The following PRIM2 variants were observed in gnomAD, a reference collection of about 807,000 sequenced individuals.
PRIM2 encodes the protein DNA primase large subunit.
Under a neutral mutation model 67.3 loss-of-function variants are expected in PRIM2, and 39 were observed. The ratio of observed to expected loss-of-function variants is 0.58; its 90% CI spans 0.45 to 0.76. The LOEUF (loss-of-function observed/expected upper bound fraction) is 0.76, where lower values mean the gene tolerates loss of function less well. Among genes scored for constraint, PRIM2 ranks in the 30% least tolerant of loss-of-function variants. The pLI, the probability that PRIM2 is intolerant of heterozygous loss-of-function variation, is 0.00. For missense variants in PRIM2, 398 were observed against 598.7 expected (o/e 0.66, Z 3.50); for synonymous variants, 143 against 198.7 (o/e 0.72, Z 2.36).
the PRIM2 span, among the ~76,000 whole-genome samples, chr6:57,283,794 G>A: frequency 6.6e-6 from 1 of 152,004 alleles, no homozygotes. Context: ...GTCTTCCCAA[G>A]TGCCTGACAA....
chr6:57,387,512 G>A (rs1214965783), intron 7 of PRIM2, among the ~76,000 whole-genome samples: 1 of 151,988 alleles, frequency 6.6e-6, no homozygotes, highest in Non-Finnish European at 1.5e-5. Flanking sequence ...TTTTCTGATT[G>A]TAATTCTTAG....
chr6:57,406,622 C>G (rs1770901133), intron 7 of PRIM2, among the ~76,000 whole-genome samples: 1 of 151,924 alleles, frequency 6.6e-6, no homozygotes. Context: ...TGAAAATCGT[C>G]TGAGACTAGT....
At chr6:57,277,685 G>A in the PRIM2 span, among the ~76,000 whole-genome samples, 5 of 151,972 alleles carry the variant, frequency 3.3e-5, no homozygotes, top group Non-Finnish European at 5.9e-5. Flanking sequence ...CATTAGCATA[G>A]ATTAAAGATT....
chr6:57,610,417 TCA>T (rs1776646828), intron 12 of PRIM2, among the ~76,000 whole-genome samples: 1 of 152,138 alleles, frequency 6.6e-6, no homozygotes, highest in African/African-American at 2.4e-5. Flanking sequence ...AGAAAAGAGA[TCA>T]TTGTGACTCA....
chr6:57,430,230 T>C (rs1259760169), intron 7 of PRIM2, among the ~76,000 whole-genome samples: 4 of 152,118 alleles, frequency 2.6e-5, no homozygotes, highest in Admixed American at 2.6e-4. Context: ...GAGTGAGATA[T>C]GTATTTTGCT....
Position 57,396,036 on chromosome 6 carries a change from A to G in PRIM2, c.693+13868A>G, listed in dbSNP as rs555384807. Among the ~76,000 whole-genome samples, 193 of 152,148 alleles carry G rather than the reference A, an allele frequency of 1.3e-3. 4 individuals carry two copies. In the East Asian group the frequency reaches 0.016, roughly 13 times the overall value. On this transcript the variant is annotated intron_variant, in intron 7 of 13. Transcript: ENST00000615550. ...TGAGAAAGTGCTTGATATGATTTCA[A>G]TTTTCTTAAATTTATTGAGGCTCGT...
At position 57,642,435 on chromosome 6, in the gene PRIM2, C is replaced by CTTTTTTTTTTTTTTTTT. The variant is rs1156576933; in HGVS notation, c.1300-3484_1300-3468dup. ...TATGCACATACCTTAAATATTATAT[C>CTTTTTTTTTTTTTTTTT]TTTTTTTTTTTTTTTTTTTTTTTTT... is the stretch of plus-strand genomic sequence containing the variant. On this transcript the variant is annotated intron_variant, in intron 13 of 13. Coordinates refer to ENST00000615550, the MANE Select transcript of PRIM2 (RefSeq NM_000947.5). Among the ~76,000 whole-genome samples the CTTTTTTTTTTTTTTTTT allele has an allele frequency of 3.1e-4, 26 of 83,180 alleles. 2 individuals are homozygous for CTTTTTTTTTTTTTTTTT. Among genetic ancestry groups the CTTTTTTTTTTTTTTTTT allele is most frequent in the Non-Finnish European group, 3.4e-4 (16 of 47,410 alleles). The allele number at this position is 83,180 out of a possible 152,430, so 54.6% of individuals were successfully genotyped here. A position where few individuals can be genotyped will look rare whatever the true frequency, so the allele number is the denominator to read the frequency against.
intron 8 of PRIM2, among the ~76,000 whole-genome samples, chr6:57,519,040 G>A (rs1260428620): frequency 2.0e-5 from 3 of 152,102 alleles, no homozygotes; most frequent in Admixed American, 6.5e-5. Context: ...GTTCCGTGAT[G>A]CCCCACAAGC....
rs1435346367 is a variant in PRIM2, at chr6:57,444,945, ATGT to A, written c.694-62438_694-62436del. Among the ~76,000 whole-genome samples, 7 of 151,176 alleles carry A rather than the reference ATGT, an allele frequency of 4.6e-5. No homozygotes were observed. The South Asian group carries it at 8.3e-4, about 18-fold the overall frequency. ...CCTTTTTTAAAGCAGAGTAATGCTC[ATGT>A]TGTATCTTTCTAGCATTAAGAAAAA... On this transcript the variant is annotated intron_variant, in intron 7 of 13. Coordinates refer to ENST00000615550, the MANE Select transcript of PRIM2 (RefSeq NM_000947.5).
chr6:57,450,739 T>C (rs1310903198), intron 7 of PRIM2, among the ~76,000 whole-genome samples: 2 of 152,240 alleles, frequency 1.3e-5, no homozygotes, highest in Non-Finnish European at 2.9e-5. Flanking sequence ...CTTTCCCTAA[T>C]GATTTATATG....
intron 7 of PRIM2, among the ~76,000 whole-genome samples, chr6:57,428,852 A>G (rs1424710791): frequency 1.5e-4 from 23 of 152,210 alleles, no homozygotes; most frequent in African/African-American, 5.3e-4. Context: ...AGTGTTAACT[A>G]AACTACAGAC....
chr6:57,565,908 C>T (rs1775728972), intron 10 of PRIM2, among the ~76,000 whole-genome samples: 2 of 152,200 alleles, frequency 1.3e-5, no homozygotes, highest in Non-Finnish European at 2.9e-5. Flanking sequence ...GTTCCGATTT[C>T]TCCAATTGCT....
At chr6:57,310,632 G>A (rs59431929), upstream of PRIM2, among the ~76,000 whole-genome samples, 16,355 of 151,114 alleles carry the variant, frequency 0.11, 943 homozygotes, top group South Asian at 0.13. Flanking sequence ...CATCCCAGAC[G>A]GGGTGGCGGC....
At chr6:57,441,222 C>G (rs1458458083) in intron 7 of PRIM2, among the ~76,000 whole-genome samples, 1 of 152,130 alleles carries the variant, frequency 6.6e-6, no homozygotes. Flanking sequence ...GAAGATAACC[C>G]CCTTGCTAGC....
At chr6:57,457,843 T>C (rs1451102720) in intron 7 of PRIM2, among the ~76,000 whole-genome samples, 1 of 152,138 alleles carries the variant, frequency 6.6e-6, no homozygotes, top group Non-Finnish European at 1.5e-5. Flanking sequence ...GGTACCTCGG[T>C]TGGAAACGCA....
At chr6:57,222,914 T>TA in the PRIM2 span, among the ~76,000 whole-genome samples, 1 of 152,186 alleles carries the variant, frequency 6.6e-6, no homozygotes, top group Non-Finnish European at 1.5e-5. Flanking sequence ...AAAAGGTGCA[T>TA]ACCCTATGGC....
chr6:57,260,491 A>G, the PRIM2 span, among the ~76,000 whole-genome samples: 1 of 152,240 alleles, frequency 6.6e-6, no homozygotes, highest in Non-Finnish European at 1.5e-5. Flanking sequence ...TGAGTTTTAC[A>G]TATCAGCAAT....
chr6:57,567,728 G>A (rs2127480379), intron 10 of PRIM2, among the ~76,000 whole-genome samples: 1 of 152,190 alleles, frequency 6.6e-6, no homozygotes, highest in African/African-American at 2.4e-5. Flanking sequence ...GTTATAGATA[G>A]TATCACTTGA....
At chr6:57,384,853 A>G (rs531070963) in intron 7 of PRIM2, among the ~76,000 whole-genome samples, 71 of 152,282 alleles carry the variant, frequency 4.7e-4, no homozygotes, top group African/African-American at 1.7e-3. Context: ...CCAAAAACCT[A>G]ACTATGAAAA....
Sources: allele counts gnomAD v4.1 joint callset (sites outside exome capture counted in the v4.1 genomes callset), GRCh38; gene constraint gnomAD v4.1.1; transcripts MANE v1.5; gene names NCBI Gene and HGNC (gene_info 2026-07-23, HGNC 2026-07-21).